Variants in RAB6B observed in about 807,000 individuals in gnomAD.
The protein encoded by RAB6B is ras-related protein Rab-6B.
Under a neutral mutation model 31.2 loss-of-function variants are expected in RAB6B, and 7 were observed. That is an observed-to-expected ratio of 0.22 (90% CI 0.13 to 0.42). The LOEUF (loss-of-function observed/expected upper bound fraction) is 0.42, where lower values mean the gene tolerates loss of function less well. RAB6B is among the 10% of genes least tolerant of loss of function. The probability of loss-of-function intolerance (pLI) is 1.00; values close to 1 mark genes in which losing one functional copy is unlikely to be tolerated. For missense variants in RAB6B, 149 were observed against 280.6 expected (o/e 0.53, Z 3.35); for synonymous variants, 105 against 104.9 (o/e 1.00, Z -0.01).
chr3:133,841,725 T>C, intron 2 of RAB6B, 62 bp from the exon 3 acceptor site: 2 of 1,556,406 alleles, frequency 1.3e-6, no homozygotes, highest in East Asian at 2.2e-5. Context: ...GGCAAAAGCC[T>C]AGCGACCACA....
rs1308537068 is a variant in RAB6B at position 133,828,859 on chromosome 3, G to A, written c.563-7C>T. The A allele has an allele frequency of 6.2e-7, 1 of 1,609,344 alleles. No homozygotes were observed. Among genetic ancestry groups the A allele is most frequent in the Non-Finnish European group, 8.5e-7 (1 of 1,176,844 alleles). On this transcript the variant is annotated splice_region_variant and splice_polypyrimidine_tract_variant and intron_variant, in intron 7 of 7. Transcript: ENST00000285208. ...TCCAGCTTGATGTCGATCACTGCAG[G>A]GGGACGGGCTAAGGAAGATGACTCT...
At chr3:133,866,326 C>A (rs766985593) in intron 1 of RAB6B, among the ~76,000 whole-genome samples, 2 of 152,150 alleles carry the variant, frequency 1.3e-5, no homozygotes, top group Admixed American at 1.3e-4. Context: ...CTGAGTGGGG[C>A]TGGGATGTGG....
rs1935600494 is a variant in RAB6B at position 133,828,091 on chromosome 3, G to A, written c.*697C>T. On this transcript the variant is annotated 3_prime_UTR_variant, in exon 8 of 8. Transcript: ENST00000285208. ...TCAAGGCTTTTCAGGGAAAGAGAAG[G>A]AGAGGTGGGAGCAGTTCCTCTGGGG... The A allele has an allele frequency of 3.0e-6, 2 of 664,332 alleles. No individual in the cohort carries two copies. Among genetic ancestry groups the A allele is most frequent in the African/African-American group, 3.5e-5 (2 of 56,582 alleles). 41.2% of individuals were successfully genotyped at this position (664,332 alleles called of 1,614,324 possible).
At chr3:133,855,844 C>G (rs1324974004) in intron 2 of RAB6B, among the ~76,000 whole-genome samples, 1 of 152,196 alleles carries the variant, frequency 6.6e-6, no homozygotes, top group South Asian at 2.1e-4. Flanking sequence ...CCTTGCTTGA[C>G]TACTTTAGAC....
At chr3:133,871,343 A>T (rs1936320789) in intron 1 of RAB6B, among the ~76,000 whole-genome samples, 1 of 152,242 alleles carries the variant, frequency 6.6e-6, no homozygotes, top group South Asian at 2.1e-4. Flanking sequence ...CTCCTGAAAA[A>T]GGCACCATTT....
intron 2 of RAB6B, among the ~76,000 whole-genome samples, chr3:133,847,915 T>C (rs1298452197): frequency 6.6e-6 from 1 of 152,210 alleles, no homozygotes; most frequent in Non-Finnish European, 1.5e-5. Context: ...ATCTTCTTCC[T>C]TTCTTTCCCT....
chr3:133,841,876 T>G, intron 2 of RAB6B, among the ~76,000 whole-genome samples: 1 of 152,138 alleles, frequency 6.6e-6, no homozygotes, highest in Non-Finnish European at 1.5e-5. Context: ...GTGGCCTTTA[T>G]AGGGTGAGAT....
At position 133,895,681 on chromosome 3, in the gene RAB6B, G is replaced by A. The variant is rs1418075711; in HGVS notation, c.-215C>T. Reference sequence around the variant, plus strand: ...GGAGGAGGAGAGAGAGGCGGAGGCGGAGGAAGGCTGGGGCTGGGCTGCTGC... The same window carrying A: ...GGAGGAGGAGAGAGAGGCGGAGGCGAAGGAAGGCTGGGGCTGGGCTGCTGC... On this transcript the variant is annotated 5_prime_UTR_variant, in exon 1 of 8. Coordinates refer to ENST00000285208, the MANE Select transcript of RAB6B (RefSeq NM_016577.4). The A allele has an allele frequency of 5.1e-6, 3 of 583,322 alleles. No individual in the cohort carries two copies. The highest frequency in any genetic ancestry group is 9.0e-6 in the Non-Finnish European group (3 of 333,200). 36.1% of individuals were successfully genotyped at this position (583,322 alleles called of 1,614,324 possible).
At chr3:133,867,315 C>T (rs1936252021) in intron 1 of RAB6B, among the ~76,000 whole-genome samples, 1 of 152,174 alleles carries the variant, frequency 6.6e-6, no homozygotes. Flanking sequence ...ATGTTCCAGG[C>T]ACATAGTAGG....
chr3:133,895,782 A>AGAGAGGC lies in RAB6B; in HGVS notation c.-317_-316insGCCTCTC. On this transcript the variant is annotated 5_prime_UTR_variant, in exon 1 of 8. Coordinates refer to ENST00000285208, the MANE Select transcript of RAB6B (RefSeq NM_016577.4). Reference sequence around the variant, plus strand: ...GGCGCTGGGAGAGAGGCGCGGGCGGAGCGGGGCGCAGGGACGGCGCGCGGG... The same window carrying AGAGAGGC: ...GGCGCTGGGAGAGAGGCGCGGGCGGAGAGAGGCGCGGGGCGCAGGGACGGCGCGCGGG... 1 of 354,404 alleles carries AGAGAGGC rather than the reference A, an allele frequency of 2.8e-6. No homozygotes were observed. Among genetic ancestry groups the AGAGAGGC allele is most frequent in the Admixed American group, 5.0e-5 (1 of 20,102 alleles). The allele number at this position is 354,404 out of a possible 1,614,324, so 22.0% of individuals were successfully genotyped here.
chr3:133,876,683 A>G (rs537305137), intron 1 of RAB6B, among the ~76,000 whole-genome samples: 5 of 152,326 alleles, frequency 3.3e-5, no homozygotes, highest in East Asian at 1.9e-4. Context: ...AGATAAAACT[A>G]TATCAATTGC....
At chr3:133,872,311 G>A (rs1035339347) in intron 1 of RAB6B, among the ~76,000 whole-genome samples, 2 of 152,262 alleles carry the variant, frequency 1.3e-5, no homozygotes, top group Non-Finnish European at 2.9e-5. Context: ...GGAAGGACCT[G>A]CAGAGGGACT....
intron 7 of RAB6B, among the ~76,000 whole-genome samples, chr3:133,832,570 C>G (rs1187389392): frequency 6.6e-6 from 1 of 152,236 alleles, no homozygotes; most frequent in Non-Finnish European, 1.5e-5. Context: ...CTTCAAAACA[C>G]CTGGATTTGG....
Position 133,895,291 on chromosome 3 carries a change from C to T in RAB6B, c.70+106G>A, listed in dbSNP as rs1387283053. ...TCCCTGTCCCTCTCCTCTACCCTGG[C>T]AAGGAGGGGCCTTTCCGAGCCTGGG... is the stretch of plus-strand genomic sequence containing the variant. On this transcript the variant is annotated intron_variant, in intron 1 of 7. Coordinates refer to ENST00000285208, the MANE Select transcript of RAB6B (RefSeq NM_016577.4). The T allele has an allele frequency of 3.3e-5, 41 of 1,226,476 alleles. No homozygotes were observed. In the East Asian group the frequency reaches 7.0e-4, roughly 21 times the overall value. The allele number at this position is 1,226,476 out of a possible 1,614,324, so 76.0% of individuals were successfully genotyped here.
At chr3:133,831,800 GT>G (rs1218181591) in intron 7 of RAB6B, among the ~76,000 whole-genome samples, 1 of 152,206 alleles carries the variant, frequency 6.6e-6, no homozygotes, top group African/African-American at 2.4e-5. Context: ...GCCACATTCA[GT>G]GCCCAATGTC....
At chr3:133,842,670 A>T (rs1277455545) in intron 2 of RAB6B, among the ~76,000 whole-genome samples, 3 of 152,230 alleles carry the variant, frequency 2.0e-5, no homozygotes, top group Non-Finnish European at 4.4e-5. Flanking sequence ...TCATGTGGCG[A>T]GTGATCCCAA....
intron 1 of RAB6B, among the ~76,000 whole-genome samples, chr3:133,887,861 G>A (rs1011407119): frequency 2.0e-5 from 3 of 152,154 alleles, no homozygotes; most frequent in South Asian, 2.1e-4. Context: ...GCAGTGGGCT[G>A]AGGGCTGACT....
chr3:133,845,320 TAGTACCCTTATAAAAGAGGCTTAAGGG>T (rs1935894151), intron 2 of RAB6B, among the ~76,000 whole-genome samples: 2 of 152,226 alleles, frequency 1.3e-5, no homozygotes, highest in African/African-American at 4.8e-5. Context: ...TGAATGGGAT[TAGTACCCTTATAAAAGAGGCTTAAGGG>T]AGCACCCTGG....
intron 2 of RAB6B, among the ~76,000 whole-genome samples, chr3:133,859,166 A>T (rs999509155): frequency 5.9e-5 from 9 of 152,096 alleles, no homozygotes; most frequent in African/African-American, 1.9e-4. Flanking sequence ...ATTTATAATA[A>T]CAGGGTTTCG....
Sources: gnomAD v4.1 joint callset for allele counts (sites outside exome capture counted in the v4.1 genomes callset) on GRCh38, gnomAD v4.1.1 for gene constraint, MANE v1.5 for transcripts, NCBI Gene and HGNC (gene_info 2026-07-23, HGNC 2026-07-21) for gene names.